The following GEMIN5 variants were observed in gnomAD, a reference collection of about 807,000 sequenced individuals.
GEMIN5 encodes the protein gem-associated protein 5.
In GEMIN5, 124 loss-of-function variants were observed where a neutral mutation model predicts 176.9. The observed-to-expected ratio is 0.70, with a 90% CI of 0.61 to 0.81. GEMIN5 has a LOEUF of 0.81. Ranked by LOEUF, GEMIN5 falls within the 40% of genes least tolerant of loss-of-function variation. The pLI is 0.00. For missense variants in GEMIN5, 1,843 were observed against 1,814.6 expected, an observed-to-expected ratio of 1.02 and a Z score of -0.28; for synonymous variants, 673 against 665.2, an observed-to-expected ratio of 1.01 and a Z score of -0.18.
chr5:154,938,172 C>T lies in GEMIN5; in HGVS notation c.-39G>A, dbSNP rs1561734021. The stretch of plus-strand genomic sequence containing the variant: ...CAGAGACAAGAGAAGCTGCCACAGC[C>T]GACCGCTCGTAGCCTCACGCCTTAG... On this transcript the variant is annotated 5_prime_UTR_variant, in exon 1 of 28. Transcript: ENST00000285873. 7.5e-7 allele frequency: 1 copy of T among 1,332,400 alleles called. No homozygotes were observed. The highest frequency in any genetic ancestry group is 1.5e-5 in the African/African-American group (1 of 66,274). The allele number at this position is 1,332,400 out of a possible 1,614,324, so 82.5% of individuals were successfully genotyped here.
At chr5:154,889,490 CTGTG>C in intron 26 of GEMIN5, 73 bp from the exon 27 acceptor site, 2 of 803,286 alleles carry the variant, frequency 2.5e-6, no homozygotes, top group Non-Finnish European at 4.2e-6. Context: ...TGTTATTTTA[CTGTG>C]GTAAAATGTA....
chr5:154,899,377 C>T, intron 21 of GEMIN5, 67 bp from the exon 22 acceptor site: 3 of 1,332,784 alleles, frequency 2.3e-6, no homozygotes, highest in Non-Finnish European at 3.0e-6. Context: ...CTAGGAGGGG[C>T]TGTAAGACAG....
chr5:154,896,595 C>G (rs2113460040), intron 23 of GEMIN5, among the ~76,000 whole-genome samples: 1 of 152,258 alleles, frequency 6.6e-6, no homozygotes, highest in Admixed American at 6.5e-5. Context: ...ACACAGAATC[C>G]CAACTGTAGC....
intron 9 of GEMIN5, among the ~76,000 whole-genome samples, chr5:154,921,940 A>T (rs1402178083): frequency 6.6e-6 from 1 of 152,208 alleles, no homozygotes; most frequent in Non-Finnish European, 1.5e-5. Context: ...TCAGTAAAGA[A>T]TGCTTAACTT....
At chr5:154,891,173 G>T in intron 26 of GEMIN5, 68 bp downstream of exon 26, 1 of 1,430,672 alleles carries the variant, frequency 7.0e-7, no homozygotes, top group Non-Finnish European at 9.5e-7. Flanking sequence ...GGGATTATAG[G>T]CATGAACCAC....
intron 11 of GEMIN5, 45 bp downstream of exon 11, chr5:154,919,922 A>C: frequency 6.4e-7 from 1 of 1,552,700 alleles, no homozygotes; most frequent in Non-Finnish European, 8.9e-7. Context: ...ACACAGAGGG[A>C]TCTGTGATGT....
At chr5:154,934,529 C>T (rs146840662) in intron 3 of GEMIN5, among the ~76,000 whole-genome samples, 8,128 of 152,220 alleles carry the variant, frequency 0.053, 295 homozygotes, top group Middle Eastern at 0.092. Context: ...CCGGGCTGGT[C>T]TTGAACTCCT....
At chr5:154,893,464 T>C (rs1297564772) in intron 24 of GEMIN5, among the ~76,000 whole-genome samples, 2 of 151,482 alleles carry the variant, frequency 1.3e-5, no homozygotes, top group Admixed American at 6.6e-5. Context: ...AAAACAAAGC[T>C]TGGAGTACAA....
In GEMIN5 at chr5:154,904,528, C is replaced by T; in HGVS notation, c.2611G>A (p.Ala871Thr). 6.2e-7 allele frequency: 1 copy of T among 1,613,706 alleles called. No individual in the cohort carries two copies. The highest frequency in any genetic ancestry group is 8.5e-7 in the Non-Finnish European group (1 of 1,179,622). ...EELHQDCLVL[A>T]TAKHSRELNE... ...GTACCTCTGGAGTGCTTTGCAGTTG[C>T]TAGTACCAAACAGTCCTGATGAAGC... is the stretch of plus-strand genomic sequence containing the variant. The change falls in exon 18 of 28, where the codon GCA becomes ACA. Residue 871 changes from alanine to threonine, a missense_variant. Coordinates refer to ENST00000285873, the MANE Select transcript of GEMIN5 (RefSeq NM_015465.5).
At chr5:154,914,536 C>T (rs1160529912) in intron 13 of GEMIN5, among the ~76,000 whole-genome samples, 1 of 139,276 alleles carries the variant, frequency 7.2e-6, no homozygotes, top group Non-Finnish European at 1.5e-5. Context: ...TTTAAAGAGA[C>T]TAGGTCTTAC....
intron 24 of GEMIN5, among the ~76,000 whole-genome samples, chr5:154,895,107 G>C (rs1306922829): frequency 1.3e-5 from 2 of 151,670 alleles, no homozygotes; most frequent in African/African-American, 2.4e-5. Context: ...AAGGAAAAAA[G>C]AAAAGAAAAA....
rs1483977502 is a variant in GEMIN5 at position 154,912,991 on chromosome 5, G to A, written c.1903C>T (p.Leu635Phe). The A allele has an allele frequency of 6.2e-7, 1 of 1,613,822 alleles. No individual in the cohort carries two copies. Among genetic ancestry groups the A allele is most frequent in the Non-Finnish European group, 8.5e-7 (1 of 1,179,722 alleles). The change falls in exon 14 of 28, where the codon CTC (leucine) becomes TTC (phenylalanine). Residue 635 changes from leucine to phenylalanine, a missense_variant. Physicochemically the swap from Leu to Phe is conservative, Grantham distance 22. Transcript: ENST00000285873. The stretch of plus-strand genomic sequence containing the variant: ...GTAATCTTGGCCGTATGCCCTGAGA[G>A]GGTCCGGTAGGGCTCTGTAATGGTC... ...PVTITEPYRTLSGHTAKITSV... is the reference protein window; with the variant it reads ...PVTITEPYRTFSGHTAKITSV...
At chr5:154,929,205 CAGAG>C (rs1330753733) in intron 5 of GEMIN5, among the ~76,000 whole-genome samples, 1 of 152,140 alleles carries the variant, frequency 6.6e-6, no homozygotes, top group Non-Finnish European at 1.5e-5. Context: ...GCCTGGGCGA[CAGAG>C]AGAGACTCTG....
At chr5:154,936,454 T>A (rs1377455041) in intron 2 of GEMIN5, among the ~76,000 whole-genome samples, 1 of 151,988 alleles carries the variant, frequency 6.6e-6, no homozygotes, top group Non-Finnish European at 1.5e-5. Flanking sequence ...TTATTAGTAG[T>A]ACTTCTATAG....
In GEMIN5 at chr5:154,891,663, A is replaced by G; in HGVS notation, c.3840T>C (p.Phe1280=). The change falls in exon 26 of 28, where the codon TTT becomes TTC. Residue 1280 remains phenylalanine (F), a synonymous_variant. Coordinates refer to ENST00000285873, the MANE Select transcript of GEMIN5 (RefSeq NM_015465.5). ...AGAATTCATACAGACGCCCATAAAG[A>G]AAAAAGGCCTCCAAACTTTTGAAAG... ...TPAFKSLEAF[F]LYGRLYEFWW... 6.2e-7 allele frequency: 1 copy of G among 1,612,224 alleles called. No individual in the cohort carries two copies. The highest frequency in any genetic ancestry group is 2.2e-5 in the East Asian group (1 of 44,866).
At chr5:154,914,536 C>G (rs1160529912) in intron 13 of GEMIN5, among the ~76,000 whole-genome samples, 1 of 139,276 alleles carries the variant, frequency 7.2e-6, no homozygotes, top group African/African-American at 2.7e-5. Flanking sequence ...TTTAAAGAGA[C>G]TAGGTCTTAC....
chr5:154,914,818 G>A (rs1256026084), intron 13 of GEMIN5, among the ~76,000 whole-genome samples: 3 of 152,218 alleles, frequency 2.0e-5, no homozygotes, highest in African/African-American at 7.2e-5. Context: ...TATATATTAA[G>A]TTAAACTAAC....
chr5:154,893,092 C>T (rs1763272133), intron 24 of GEMIN5, among the ~76,000 whole-genome samples: 1 of 149,760 alleles, frequency 6.7e-6, no homozygotes, highest in African/African-American at 2.5e-5. Flanking sequence ...GTGAGACTCC[C>T]TCTCAAAACA....
At chr5:154,897,403 G>A (rs556750105) in intron 23 of GEMIN5, among the ~76,000 whole-genome samples, 1 of 152,328 alleles carries the variant, frequency 6.6e-6, no homozygotes, top group East Asian at 1.9e-4. Flanking sequence ...CTGTTTTGAT[G>A]TGTCAAAAAG....
Sources: gnomAD v4.1 joint callset for allele counts (sites outside exome capture counted in the v4.1 genomes callset) on GRCh38, gnomAD v4.1.1 for gene constraint, MANE v1.5 for transcripts, NCBI Gene and HGNC (gene_info 2026-07-23, HGNC 2026-07-21) for gene names.